The following INSRR variants were observed in gnomAD, a reference collection of about 807,000 sequenced individuals.
INSRR encodes insulin receptor-related protein.
A neutral mutation model predicts 130.0 loss-of-function variants in INSRR; 114 were observed. The observed-to-expected ratio is 0.88, with a 90% confidence interval of 0.75 to 1.02. The LOEUF (loss-of-function observed/expected upper bound fraction) is 1.02. Among genes scored for constraint, INSRR ranks in the 50% least tolerant of loss-of-function variants. INSRR has a pLI of 0.00. For synonymous variants in INSRR, 674 were observed against 705.2 expected (o/e 0.96, Z 0.70); for missense variants, 1,657 against 1,735.2 (o/e 0.95, Z 0.80).
At chr1:156,844,678 G>T (rs760443305) in intron 13 of INSRR, 29 bp downstream of exon 13, 1 of 1,614,038 alleles carries the variant, frequency 6.2e-7, no homozygotes, top group Non-Finnish European at 8.5e-7. Flanking sequence ...ACAAAACGGG[G>T]CTGGGACGGG....
At chr1:156,844,909 G>A (rs1328474862) in intron 12 of INSRR, 66 bp from the exon 13 acceptor site, 2 of 1,597,192 alleles carry the variant, frequency 1.3e-6, no homozygotes, top group African/African-American at 2.7e-5. Flanking sequence ...TCAAACCCAA[G>A]CTAAACTGGG....
intron 17 of INSRR, 129 bp downstream of exon 17, chr1:156,842,875 A>G: frequency 2.7e-6 from 2 of 739,722 alleles, no homozygotes; most frequent in Admixed American, 2.7e-5. Context: ...CTTTACCCCA[A>G]TTAGGATCCT....
chr1:156,853,452 A>G (rs6700238), intron 2 of INSRR, among the ~76,000 whole-genome samples: 2,241 of 152,284 alleles, frequency 0.015, 57 homozygotes, highest in African/African-American at 0.051. Context: ...CCACTGCCCC[A>G]CACTGCTTCT....
rs1453294938 is a variant in INSRR at position 156,854,022 on chromosome 1, G to C, written c.367C>G (p.Leu123Val). 6.2e-7 allele frequency: 1 copy of C among 1,614,052 alleles called. No homozygotes were observed. Among genetic ancestry groups the C allele is most frequent in the African/African-American group, 1.3e-5 (1 of 75,074 alleles). The change falls in exon 2 of 22, where the codon CTG becomes GTG. Residue 123 changes from leucine to valine, a missense_variant. Physicochemically the swap from Leu to Val is conservative, Grantham distance 32. Coordinates refer to ENST00000368195, the MANE Select transcript of INSRR (RefSeq NM_014215.3). This position sits in a 1 kb window ranked among gnomAD's most constrained non-coding sequence, Gnocchi z 4.2. ...YALVIFEMPH[L>V]RDVALPALGA... ...AGTGCAGGCAGTGCCACGTCACGCA[G>C]ATGTGGCATCTCAAAGATGACCAGT...
chr1:156,842,640 G>A, intron 17 of INSRR, 132 bp from the exon 18 acceptor site: 2 of 667,696 alleles, frequency 3.0e-6, no homozygotes, highest in Admixed American at 2.4e-5. Flanking sequence ...ACTATAACCT[G>A]ACTCCTGACC....
In INSRR at chr1:156,845,294, T is replaced by A. The variant is rs750260333; in HGVS notation, c.2219A>T (p.Asp740Val). 6.2e-7 allele frequency: 1 copy of A among 1,612,672 alleles called. No individual in the cohort carries two copies. The highest frequency in any genetic ancestry group is 8.5e-7 in the Non-Finnish European group (1 of 1,179,360). ...VTSINKSPQR[D>V]SGRHRRAAGP... ...AGCTGCCCGGCGGTGCCGCCCTGAGTCCCTGGGGAGAGCGAGTCAGAGCCA... is the reference window on the plus strand; with the variant it reads ...AGCTGCCCGGCGGTGCCGCCCTGAGACCCTGGGGAGAGCGAGTCAGAGCCA... Residue 740 changes from aspartate to valine, a missense_variant and splice_region_variant, in exon 12 of 22, where the codon GAC becomes GTC. Coordinates refer to ENST00000368195, the MANE Select transcript of INSRR (RefSeq NM_014215.3).
At position 156,854,890 on chromosome 1, in the gene INSRR, A is replaced by G. The variant is rs921655351; in HGVS notation, c.86-587T>C. Among the ~76,000 whole-genome samples, 6 of 151,944 alleles carry G rather than the reference A, an allele frequency of 3.9e-5. No homozygotes were observed. The highest frequency in any genetic ancestry group is 1.2e-4 in the African/African-American group (5 of 41,348). On this transcript the variant is annotated intron_variant, in intron 1 of 21. Coordinates refer to ENST00000368195, the MANE Select transcript of INSRR (RefSeq NM_014215.3). The surrounding 1 kb of genome is among the most constrained non-coding windows in gnomAD (Gnocchi z 4.2). Reference sequence around the variant, plus strand: ...CTGCTTATAACCCCCCGTGACTTCCATCTCTCTTGATCTTACTACAGCCTA... The same window carrying G: ...CTGCTTATAACCCCCCGTGACTTCCGTCTCTCTTGATCTTACTACAGCCTA...
intron 5 of INSRR, among the ~76,000 whole-genome samples, chr1:156,850,735 T>C (rs555502807): frequency 6.6e-6 from 1 of 151,416 alleles, no homozygotes; most frequent in South Asian, 2.1e-4. Context: ...TTTTGTATTT[T>C]TAGTAAAGAT....
Position 156,842,497 on chromosome 1 carries a change from C to T in INSRR, c.3138G>A (p.Leu1046=), listed in dbSNP as rs144234948. The T allele has an allele frequency of 9.9e-6, 16 of 1,613,852 alleles. No individual in the cohort carries two copies. The highest frequency in any genetic ancestry group is 1.4e-5 in the Non-Finnish European group (16 of 1,179,856). ...TTGGCTGGCCCTGAGATACCACACC[C>T]AGGAGACGCACCTGGGACAGACAAA... ...AFKCHHVVRL[L]GVVSQGQPTL... Residue 1046 remains leucine, a synonymous_variant, in exon 18 of 22, where the codon CTG becomes CTA. Coordinates refer to ENST00000368195, the MANE Select transcript of INSRR (RefSeq NM_014215.3).
intron 6 of INSRR, 87 bp from the exon 7 acceptor site, chr1:156,849,134 A>G: frequency 2.5e-6 from 4 of 1,597,260 alleles, no homozygotes; most frequent in Non-Finnish European, 3.4e-6. Flanking sequence ...ATTCCCAGTG[A>G]GACCTCTGAG....
chr1:156,849,839 ACT>A (rs1477673868), intron 5 of INSRR, among the ~76,000 whole-genome samples: 1 of 144,608 alleles, frequency 6.9e-6, no homozygotes, highest in Non-Finnish European at 1.5e-5. Context: ...AGGTGTGGAC[ACT>A]CTCGGTGTAC....
At position 156,854,100 on chromosome 1, in the gene INSRR, G is replaced by A. The variant is rs1033022497; in HGVS notation, c.289C>T (p.Leu97Phe). 6.2e-7 allele frequency: 1 copy of A among 1,614,124 alleles called. No individual in the cohort carries two copies. The highest frequency in any genetic ancestry group is 8.5e-7 in the Non-Finnish European group (1 of 1,180,048). The change falls in exon 2 of 22, where the codon CTC becomes TTC. Residue 97 changes from leucine (L) to phenylalanine (F), a missense_variant. Leu to Phe is a conservative substitution (Grantham distance 22, BLOSUM62 0). Coordinates refer to ENST00000368195, the MANE Select transcript of INSRR (RefSeq NM_014215.3). The surrounding 1 kb of genome is among the most constrained non-coding windows in gnomAD (Gnocchi z 4.2). Reference protein sequence around the residue: ...RVYGLESLRDLFPNLAVIRGT... With the variant: ...RVYGLESLRDFFPNLAVIRGT... ...CGGATGACTGCTAGGTTGGGGAAGA[G>A]GTCGCGCAGGCTCTCCAGTCCGTAG...
At position 156,851,902 on chromosome 1, in the gene INSRR, G is replaced by A; in HGVS notation, c.927C>T (p.Thr309=). Reference sequence around the variant, plus strand: ...CCTACACTCACCTGCTGCTATTACGGGTGAAGCCAGAAGGGCACTGGGCCA... The same window carrying A: ...CCTACACTCACCTGCTGCTATTACGAGTGAAGCCAGAAGGGCACTGGGCCA... ...SCLAQCPSGF[T]RNSSSIFCHK... is the part of the protein sequence containing the mutation. The change falls in exon 3 of 22, where the codon ACC becomes ACT. Residue 309 remains threonine, a synonymous_variant. Coordinates refer to ENST00000368195, the MANE Select transcript of INSRR (RefSeq NM_014215.3). The A allele has an allele frequency of 6.3e-7, 1 of 1,587,192 alleles. No individual in the cohort carries two copies. Among genetic ancestry groups the A allele is most frequent in the Non-Finnish European group, 8.6e-7 (1 of 1,162,512 alleles).
chr1:156,844,990 G>T (rs1460227631), intron 12 of INSRR, 86 bp downstream of exon 12: 2 of 1,533,524 alleles, frequency 1.3e-6, no homozygotes, highest in Non-Finnish European at 1.8e-6. Context: ...AGGCTCTGGG[G>T]TTAGCGAGAA....
At position 156,851,702 on chromosome 1, in the gene INSRR, T is replaced by TAGG. The variant is rs1315643571; in HGVS notation, c.1027_1028insCCT (p.Asp343delinsAlaTyr). On this transcript the variant is annotated protein_altering_variant, in exon 4 of 22. Transcript: ENST00000368195. ...CTCCACATGCGTGCAGCCCACAAGATCCTGTGCCGCCTGGATGGAGTCGAT... is the reference window on the plus strand; with the variant it reads ...CTCCACATGCGTGCAGCCCACAAGATAGGCCTGTGCCGCCTGGATGGAGTCGAT... The TAGG allele has an allele frequency of 6.2e-6, 10 of 1,614,054 alleles. No individual in the cohort carries two copies. The highest frequency in any genetic ancestry group is 8.5e-6 in the Non-Finnish European group (10 of 1,180,008).
Position 156,858,892 on chromosome 1 carries a change from G to A in INSRR, c.-271C>T. 2.1e-6 allele frequency: 1 copy of A among 483,336 alleles called. No homozygotes were observed. Among genetic ancestry groups the A allele is most frequent in the Non-Finnish European group, 3.8e-6 (1 of 266,182 alleles). 29.9% of individuals were successfully genotyped at this position (483,336 alleles called of 1,614,324 possible). A position where few individuals can be genotyped will look rare whatever the true frequency, so the allele number is the denominator to read the frequency against. The stretch of plus-strand genomic sequence containing the variant: ...GGGACAGAGATGCAGACAGTGACAG[G>A]GAGAGTCTCGGGCCTCCAGAGGGAG... On this transcript the variant is annotated 5_prime_UTR_variant, in exon 1 of 22. Coordinates refer to ENST00000368195, the MANE Select transcript of INSRR (RefSeq NM_014215.3).
intron 15 of INSRR, among the ~76,000 whole-genome samples, chr1:156,843,776 G>A (rs887701408): frequency 1.3e-5 from 2 of 152,218 alleles, no homozygotes; most frequent in African/African-American, 4.8e-5. Context: ...AGTCAGCCCT[G>A]GAAGGATCTG....
rs1654743567 is a variant in INSRR at position 156,840,764 on chromosome 1, A to T, written c.*109T>A. 6 of 844,660 alleles carry T rather than the reference A, an allele frequency of 7.1e-6. No individual in the cohort carries two copies. The highest frequency in any genetic ancestry group is 7.7e-6 in the Non-Finnish European group (4 of 518,740). The allele number at this position is 844,660 out of a possible 1,614,324, so 52.3% of individuals were successfully genotyped here. A position where few individuals can be genotyped will look rare whatever the true frequency, so the allele number is the denominator to read the frequency against. ...CCTGTTCTCTGCCCCACCCTCGGCC[A>T]TCCCTTGCCCTGAGTTGGGGTGGGG... On this transcript the variant is annotated 3_prime_UTR_variant, in exon 22 of 22. Transcript: ENST00000368195.
Position 156,845,690 on chromosome 1 carries a change from C to T in INSRR, c.2103G>A (p.Pro701=), listed in dbSNP as rs1392282369. 1 of 1,611,926 alleles carries T rather than the reference C, an allele frequency of 6.2e-7. No homozygotes were observed. ...GGAACGAGGCCTCTTGCGCCTCCAGCGGGGGCAGAACCTGACCAGGAGGTG... is the reference window on the plus strand; with the variant it reads ...GGAACGAGGCCTCTTGCGCCTCCAGTGGGGGCAGAACCTGACCAGGAGGTG... ...QHPPPGQVLP[P]LEAQEASFQK... The change falls in exon 10 of 22, where the codon CCG becomes CCA. Residue 701 remains proline, a synonymous_variant. Coordinates refer to ENST00000368195, the MANE Select transcript of INSRR (RefSeq NM_014215.3).
Sources: gnomAD v4.1 joint callset for allele counts (sites outside exome capture counted in the v4.1 genomes callset) on GRCh38, gnomAD v4.1.1 for gene constraint, Gnocchi (gnomAD v3.1) non-coding constraint, MANE v1.5 for transcripts, NCBI Gene and HGNC (gene_info 2026-07-23, HGNC 2026-07-21) for gene names.